TOR1AIP2: variants seen among roughly 807,000 people sequenced by gnomAD.
TOR1AIP2 encodes torsin 1A interacting protein 2.
Under a neutral mutation model 32.6 loss-of-function variants are expected in TOR1AIP2, and 20 were observed. The ratio of observed to expected loss-of-function variants is 0.61; its 90% CI spans 0.43 to 0.89. The LOEUF is 0.89. TOR1AIP2 is among the 40% of genes least tolerant of loss of function. The pLI, the probability that TOR1AIP2 is intolerant of heterozygous loss-of-function variation, is 0.00. For synonymous variants in TOR1AIP2, 214 were observed against 210.8 expected (o/e 1.02, Z -0.13); for missense variants, 456 against 553.8 (o/e 0.82, Z 1.77).
Position 179,842,168 on chromosome 1 carries a change from C to T in TOR1AIP2, c.*3903G>A, listed in dbSNP as rs541465948. The T allele has an allele frequency of 7.9e-5, 12 of 152,048 alleles. No homozygotes were observed. The highest frequency in any genetic ancestry group is 2.9e-4 in the African/African-American group (12 of 41,478). 9.4% of individuals were successfully genotyped at this position (152,048 alleles called of 1,614,324 possible). ...TGAGCCGAGATATCGCACCATTGCA[C>T]CCCAGCCTGGATAACAAGAGTGAAA... On this transcript the variant is annotated 3_prime_UTR_variant, in exon 7 of 7. Coordinates refer to ENST00000609928, the MANE Select transcript of TOR1AIP2 (RefSeq NM_001199260.2).
intron 3 of TOR1AIP2, chr1:179,864,873 C>T: frequency 6.2e-7 from 1 of 1,613,994 alleles, no homozygotes; most frequent in Non-Finnish European, 8.5e-7. Flanking sequence ...ACTCGAGAGT[C>T]ATGTATTCTT....
At chr1:179,862,277 T>C (rs1696569812) in intron 3 of TOR1AIP2, 1 of 977,874 alleles carries the variant, frequency 1.0e-6, no homozygotes, top group African/African-American at 1.7e-5. Flanking sequence ...CCTTGTAACA[T>C]AAGCATTCTC....
At chr1:179,855,043 C>A (rs1268353144) in intron 3 of TOR1AIP2, among the ~76,000 whole-genome samples, 1 of 152,130 alleles carries the variant, frequency 6.6e-6, no homozygotes, top group Non-Finnish European at 1.5e-5. Flanking sequence ...AGCGTGGGGA[C>A]AACTGACTAT....
intron 3 of TOR1AIP2, chr1:179,859,421 C>G: frequency 2.0e-6 from 2 of 985,410 alleles, no homozygotes; most frequent in Non-Finnish European, 2.4e-6. Flanking sequence ...TGGGACCTAA[C>G]CATGACACTT....
chr1:179,849,031 G>C (rs927659175), intron 5 of TOR1AIP2, among the ~76,000 whole-genome samples: 1 of 152,092 alleles, frequency 6.6e-6, no homozygotes, highest in African/African-American at 2.4e-5. Flanking sequence ...AGCTACTCGG[G>C]AGGCTGAGGC....
intron 3 of TOR1AIP2, chr1:179,860,784 T>G: frequency 1.0e-6 from 1 of 985,436 alleles, no homozygotes; most frequent in Non-Finnish European, 1.2e-6. Context: ...AAAAGCAATT[T>G]TCAAGCTGTG....
At chr1:179,859,144 C>T (rs1696416189) in intron 3 of TOR1AIP2, 3 of 985,250 alleles carry the variant, frequency 3.0e-6, no homozygotes, top group Non-Finnish European at 3.6e-6. Context: ...CAAGTAGTTA[C>T]AATCCTGCTA....
At chr1:179,849,547 A>G (rs765477488) in intron 5 of TOR1AIP2, among the ~76,000 whole-genome samples, 7 of 152,086 alleles carry the variant, frequency 4.6e-5, no homozygotes, top group Non-Finnish European at 1.0e-4. Flanking sequence ...TTTAAACAAT[A>G]TTTTTTCTAC....
intron 2 of TOR1AIP2, among the ~76,000 whole-genome samples, chr1:179,876,555 T>C (rs1647323176): frequency 6.6e-6 from 1 of 152,172 alleles, no homozygotes; most frequent in Non-Finnish European, 1.5e-5. Context: ...ACACAAAGTC[T>C]TCCAAAAACA....
At chr1:179,856,626 T>C (rs532524503) in intron 3 of TOR1AIP2, among the ~76,000 whole-genome samples, 234 of 152,204 alleles carry the variant, frequency 1.5e-3, no homozygotes, top group Non-Finnish European at 2.7e-3. Context: ...TCAATCTTTT[T>C]TTCCCCCCCA....
chr1:179,861,776 A>G, intron 3 of TOR1AIP2: 1 of 985,394 alleles, frequency 1.0e-6, no homozygotes, highest in Non-Finnish European at 1.2e-6. Flanking sequence ...AGTAAACACT[A>G]TGGACATATT....
intron 5 of TOR1AIP2, among the ~76,000 whole-genome samples, chr1:179,848,046 A>AC (rs918377698): frequency 6.6e-6 from 1 of 151,954 alleles, no homozygotes; most frequent in African/African-American, 2.4e-5. Context: ...AAAAAAAAAA[A>AC]AAAAAACCAA....
At chr1:179,861,597 C>T (rs1571681719) in intron 3 of TOR1AIP2, 1 of 985,338 alleles carries the variant, frequency 1.0e-6, no homozygotes, top group Non-Finnish European at 1.2e-6. Context: ...CTGAAACATT[C>T]CTGATTAGTT....
chr1:179,848,059 T>C (rs909913589), intron 5 of TOR1AIP2, among the ~76,000 whole-genome samples: 1 of 149,438 alleles, frequency 6.7e-6, no homozygotes, highest in Admixed American at 6.6e-5. Flanking sequence ...AAAACCAAAG[T>C]TAACATTTTT....
intron 3 of TOR1AIP2, chr1:179,859,194 A>C: frequency 7.1e-6 from 7 of 983,618 alleles, no homozygotes; most frequent in Non-Finnish European, 8.5e-6. Context: ...AACAACTATA[A>C]GAACTACTAT....
At chr1:179,854,315 TAA>T (rs1696217674) in intron 3 of TOR1AIP2, among the ~76,000 whole-genome samples, 2 of 152,012 alleles carry the variant, frequency 1.3e-5, no homozygotes, top group South Asian at 2.1e-4. Context: ...TTGAAGTCTA[TAA>T]AAAAGAGATA....
chr1:179,857,124 G>A (rs1696331763), intron 3 of TOR1AIP2, among the ~76,000 whole-genome samples: 1 of 152,230 alleles, frequency 6.6e-6, no homozygotes, highest in African/African-American at 2.4e-5. Context: ...GAACTGATGA[G>A]ACCTGTGTGC....
At chr1:179,876,817 T>G (rs1647352727) in intron 2 of TOR1AIP2, among the ~76,000 whole-genome samples, 1 of 152,146 alleles carries the variant, frequency 6.6e-6, no homozygotes, top group East Asian at 1.9e-4. Flanking sequence ...AGTCTGATAA[T>G]TAAGCATTAC....
At chr1:179,866,305 A>C (rs1696768336) in intron 2 of TOR1AIP2, among the ~76,000 whole-genome samples, 1 of 152,130 alleles carries the variant, frequency 6.6e-6, no homozygotes, top group South Asian at 2.1e-4. Context: ...TATTCTTAAA[A>C]GCTAACCATA....
Sources: gnomAD v4.1 joint callset for allele counts (sites outside exome capture counted in the v4.1 genomes callset) on GRCh38, gnomAD v4.1.1 for gene constraint, MANE v1.5 for transcripts, NCBI Gene and HGNC (gene_info 2026-07-23, HGNC 2026-07-21) for gene names.